Variants in IPO9 observed in about 807,000 individuals in gnomAD.
IPO9 encodes the protein importin-9.
Under a neutral mutation model 128.6 loss-of-function variants are expected in IPO9, and 28 were observed. The observed-to-expected ratio is 0.22, with a 90% CI of 0.16 to 0.30. IPO9 has a LOEUF of 0.30. Ranked by LOEUF, IPO9 falls within the 10% of genes least tolerant of loss-of-function variation. The pLI is 1.00. For synonymous variants in IPO9, 455 were observed against 475.8 expected, an observed-to-expected ratio of 0.96 and a Z score of 0.57; for missense variants, 935 against 1,293.9, an observed-to-expected ratio of 0.72 and a Z score of 4.26.
chr1:201,836,216 G>A (rs1157549707), intron 1 of IPO9, among the ~76,000 whole-genome samples: 1 of 149,436 alleles, frequency 6.7e-6, no homozygotes, highest in Non-Finnish European at 1.5e-5. Flanking sequence ...AATATACTTA[G>A]TTGTATTTCA....
chr1:201,857,085 G>T lies in IPO9; in HGVS notation c.1123-11G>T. 6.6e-7 allele frequency: 1 copy of T among 1,516,680 alleles called. No homozygotes were observed. Among genetic ancestry groups the T allele is most frequent in the South Asian group, 1.1e-5 (1 of 89,114 alleles). The allele number at this position is 1,516,680 out of a possible 1,614,324, so 94.0% of individuals were successfully genotyped here. A position where few individuals can be genotyped will look rare whatever the true frequency, so the allele number is the denominator to read the frequency against. On this transcript the variant is annotated splice_polypyrimidine_tract_variant and intron_variant, in intron 10 of 23. Coordinates refer to ENST00000361565, the MANE Select transcript of IPO9 (RefSeq NM_018085.5). ...TGGCAGCATCACAAAGACATAACTT[G>T]ATCTTTTCAGATTAAAGTATGGACA...
Position 201,852,999 on chromosome 1 carries a change from C to T in IPO9, c.604-12C>T. On this transcript the variant is annotated splice_polypyrimidine_tract_variant and intron_variant, in intron 5 of 23. Coordinates refer to ENST00000361565, the MANE Select transcript of IPO9 (RefSeq NM_018085.5). Reference sequence around the variant, plus strand: ...TCGTGGCTATGCTGTTATGCTGTAACCTTTCTTCCAGGTGTATGGTATTCG... The same window carrying T: ...TCGTGGCTATGCTGTTATGCTGTAATCTTTCTTCCAGGTGTATGGTATTCG... 6.2e-7 allele frequency: 1 copy of T among 1,612,700 alleles called. No homozygotes were observed. The highest frequency in any genetic ancestry group is 1.3e-5 in the African/African-American group (1 of 74,990).
chr1:201,872,721 G>T, intron 19 of IPO9, 107 bp from the exon 20 acceptor site: 1 of 1,296,064 alleles, frequency 7.7e-7, no homozygotes, highest in Non-Finnish European at 1.0e-6. Context: ...AGTTGTTAAC[G>T]GAATTTTCAC....
chr1:201,834,207 CTT>C (rs71141418), intron 1 of IPO9, among the ~76,000 whole-genome samples: 2 of 111,280 alleles, frequency 1.8e-5, no homozygotes. Flanking sequence ...CTTTTCTTTT[CTT>C]TTTTTTTTTT....
chr1:201,844,877 A>G (rs2102872802), intron 1 of IPO9, among the ~76,000 whole-genome samples: 1 of 152,348 alleles, frequency 6.6e-6, no homozygotes, highest in Middle Eastern at 3.4e-3. Flanking sequence ...TATTCATGAT[A>G]GACAATAAAA....
intron 1 of IPO9, among the ~76,000 whole-genome samples, chr1:201,836,890 A>G (rs1194003279): frequency 2.6e-5 from 4 of 152,306 alleles, no homozygotes; most frequent in South Asian, 2.1e-4. Flanking sequence ...CTGTTCATCT[A>G]TTTTATTTTA....
chr1:201,852,713 C>A (rs112788213), intron 5 of IPO9, among the ~76,000 whole-genome samples: 2,664 of 152,250 alleles, frequency 0.017, 31 homozygotes, highest in Non-Finnish European at 0.026. Flanking sequence ...AATATATTGG[C>A]TGTGTTGGGA....
chr1:201,855,485 T>G (rs1680314230), intron 9 of IPO9, among the ~76,000 whole-genome samples: 1 of 152,240 alleles, frequency 6.6e-6, no homozygotes, highest in African/African-American at 2.4e-5. Context: ...GGGTCCCAGA[T>G]CATGAATCTT....
At chr1:201,858,611 T>C in intron 12 of IPO9, 58 bp downstream of exon 12, 1 of 1,048,802 alleles carries the variant, frequency 9.5e-7, no homozygotes, top group Non-Finnish European at 1.4e-6. Context: ...TTAAAAAGTC[T>C]TGAAAGGATG....
intron 1 of IPO9, among the ~76,000 whole-genome samples, chr1:201,845,026 G>T (rs1023853151): frequency 2.1e-4 from 18 of 87,556 alleles, no homozygotes; most frequent in South Asian, 2.0e-3. Flanking sequence ...TTTTTTGGGA[G>T]GGGGGGGCGT....
intron 13 of IPO9, among the ~76,000 whole-genome samples, chr1:201,861,596 T>C (rs1680449404): frequency 6.6e-6 from 1 of 152,226 alleles, no homozygotes; most frequent in South Asian, 2.1e-4. Flanking sequence ...ACGATGTGTT[T>C]ATCAGGAAGT....
intron 1 of IPO9, among the ~76,000 whole-genome samples, chr1:201,836,799 T>A (rs1679950252): frequency 6.6e-6 from 1 of 152,192 alleles, no homozygotes; most frequent in Admixed American, 6.5e-5. Flanking sequence ...GTCTTTGAAT[T>A]TTTGAGGCTT....
Position 201,848,440 on chromosome 1 carries a change from G to A in IPO9, c.360G>A (p.Ser120=), listed in dbSNP as rs749312612. The change falls in exon 4 of 24, where the codon TCG becomes TCA. Residue 120 remains serine (S), a synonymous_variant. Coordinates refer to ENST00000361565, the MANE Select transcript of IPO9 (RefSeq NM_018085.5). ...RELLPNGLRE[S]ISKVRSSVAY... Reference sequence around the variant, plus strand: ...TATTGCCTAATGGGTTGAGAGAATCGATAAGCAAAGTGCGCTCCAGTGTGG... The same window carrying A: ...TATTGCCTAATGGGTTGAGAGAATCAATAAGCAAAGTGCGCTCCAGTGTGG... 5 of 1,614,164 alleles carry A rather than the reference G, an allele frequency of 3.1e-6. No individual in the cohort carries two copies. The highest frequency in any genetic ancestry group is 4.2e-6 in the Non-Finnish European group (5 of 1,180,030).
chr1:201,849,565 G>A (rs1680181493), intron 4 of IPO9, among the ~76,000 whole-genome samples: 2 of 152,166 alleles, frequency 1.3e-5, no homozygotes, highest in South Asian at 4.1e-4. Context: ...AGTTGTGAAT[G>A]CCAATTCTAT....
chr1:201,833,439 A>G (rs966262268), intron 1 of IPO9, among the ~76,000 whole-genome samples: 1 of 152,054 alleles, frequency 6.6e-6, no homozygotes, highest in African/African-American at 2.4e-5. Flanking sequence ...GAGTTTCACC[A>G]TGTTAGCCAG....
intron 14 of IPO9, among the ~76,000 whole-genome samples, chr1:201,865,488 A>T (rs138041576): frequency 1.3e-5 from 2 of 152,106 alleles, no homozygotes; most frequent in Non-Finnish European, 2.9e-5. Context: ...GATTACAGAC[A>T]TGAGCCACCG....
chr1:201,836,120 A>AG (rs1679917014), intron 1 of IPO9, among the ~76,000 whole-genome samples: 1 of 3,412 alleles, frequency 2.9e-4, no homozygotes, highest in Non-Finnish European at 1.2e-3. Flanking sequence ...ACTCCATCTC[A>AG]AAAAAAAAAA....
At chr1:201,868,080 G>C (rs1388559985) in intron 15 of IPO9, among the ~76,000 whole-genome samples, 1 of 152,086 alleles carries the variant, frequency 6.6e-6, no homozygotes, top group African/African-American at 2.4e-5. Context: ...ATACTAAATA[G>C]AGGAGGATGT....
rs1416895023 is a variant in IPO9 at position 201,870,806 on chromosome 1, T to C, written c.2357T>C (p.Leu786Pro). 1 of 1,614,176 alleles carries C rather than the reference T, an allele frequency of 6.2e-7. No individual in the cohort carries two copies. Among genetic ancestry groups the C allele is most frequent in the Non-Finnish European group, 8.5e-7 (1 of 1,180,024 alleles). The change falls in exon 18 of 24, where the codon CTT (leucine) becomes CCT (proline). Residue 786 changes from leucine to proline, a missense_variant. Leu to Pro is a moderately conservative substitution (Grantham distance 98). Around this residue, in one of 3 missense-constraint regions of IPO9, gnomAD observed 741 missense variants for 1,019.1 expected, o/e 0.73. Coordinates refer to ENST00000361565, the MANE Select transcript of IPO9 (RefSeq NM_018085.5). The surrounding 1 kb of genome is among the most constrained non-coding windows in gnomAD (Gnocchi z 4.9). ...CTCGGGGAGAATCTAGACCAGATTC[T>C]TCGTGCCATCCTCAGTAAGATGCAG... Reference protein sequence around the residue: ...RELGENLDQILRAILSKMQQA... With the variant: ...RELGENLDQIPRAILSKMQQA...
Sources: allele counts gnomAD v4.1 joint callset (sites outside exome capture counted in the v4.1 genomes callset), GRCh38; gene constraint gnomAD v4.1.1; regional missense constraint gnomAD v4.1.1; non-coding constraint Gnocchi (gnomAD v3.1); transcripts MANE v1.5; gene names NCBI Gene and HGNC (gene_info 2026-07-23, HGNC 2026-07-21).